The following PNPLA7 variants were observed in gnomAD, a reference collection of about 807,000 sequenced individuals.
The protein encoded by PNPLA7 is patatin like domain 7, lysophospholipase.
Under a neutral mutation model 161.7 loss-of-function variants are expected in PNPLA7, and 153 were observed. The ratio of observed to expected loss-of-function variants is 0.95; its 90% CI spans 0.83 to 1.08. The LOEUF (loss-of-function observed/expected upper bound fraction) is 1.08, where lower values mean the gene tolerates loss of function less well. Among genes scored for constraint, PNPLA7 ranks in the 50% least tolerant of loss-of-function variants. The pLI is 0.00. For missense variants in PNPLA7, 1,739 were observed against 1,856.6 expected (o/e 0.94, Z 1.16); for synonymous variants, 809 against 782.1 (o/e 1.03, Z -0.57).
chr9:137,460,870 GC>G, intron 33 of PNPLA7, 133 bp from the exon 34 acceptor site: 1 of 744,186 alleles, frequency 1.3e-6, no homozygotes, highest in South Asian at 1.7e-5. Context: ...CCTACACGCA[GC>G]CACCTGGTCC....
chr9:137,510,081 TCTAGCGGTGACG>T (rs1012998842), intron 12 of PNPLA7, among the ~76,000 whole-genome samples: 7 of 152,186 alleles, frequency 4.6e-5, no homozygotes, highest in African/African-American at 1.7e-4. Context: ...GGCTCCTTGG[TCTAGCGGTGACG>T]CCAGCGTCTG....
At position 137,546,935 on chromosome 9, in the gene PNPLA7, G is replaced by GAGGT. The variant is rs776940688; in HGVS notation, c.194-30_194-27dup. On this transcript the variant is annotated intron_variant, in intron 3 of 34. Transcript: ENST00000406427. Reference sequence around the variant, plus strand: ...CTGCAGGGGAGTAAAGGGATGGCCTGAGGTAGAGCCGTGGCACAGGCCTGG... The same window carrying GAGGT: ...CTGCAGGGGAGTAAAGGGATGGCCTGAGGTAGGTAGAGCCGTGGCACAGGCCTGG... 3 of 1,609,880 alleles carry GAGGT rather than the reference G, an allele frequency of 1.9e-6. No homozygotes were observed. In the African/African-American group the frequency reaches 4.0e-5, roughly 21 times the overall value.
Position 137,463,544 on chromosome 9 carries a change from C to T in PNPLA7, c.3227-13G>A, listed in dbSNP as rs1254639875. The T allele has an allele frequency of 1.9e-6, 3 of 1,556,800 alleles. No homozygotes were observed. Among genetic ancestry groups the T allele is most frequent in the Admixed American group, 1.9e-5 (1 of 52,988 alleles). Reference sequence around the variant, plus strand: ...CACCACAGGGAGCCTGGGGAGGGGGCCCGGAGCTGCTGGTTACCCGGAGGA... The same window carrying T: ...CACCACAGGGAGCCTGGGGAGGGGGTCCGGAGCTGCTGGTTACCCGGAGGA... On this transcript the variant is annotated splice_polypyrimidine_tract_variant and intron_variant, in intron 28 of 34. Coordinates refer to ENST00000406427, the MANE Select transcript of PNPLA7 (RefSeq NM_001098537.3).
In PNPLA7 at chr9:137,547,571, C is replaced by A; in HGVS notation, c.105+14G>T. ...CCATCCAGGTCTGGCTCCAGGGAAG[C>A]GTGAGGTGATTACCATGGTGGACGG... On this transcript the variant is annotated intron_variant, in intron 2 of 34. Coordinates refer to ENST00000406427, the MANE Select transcript of PNPLA7 (RefSeq NM_001098537.3). The surrounding 1 kb of genome is among the most constrained non-coding windows in gnomAD (Gnocchi z 4.6). 3 of 1,613,040 alleles carry A rather than the reference C, an allele frequency of 1.9e-6. No individual in the cohort carries two copies. Among genetic ancestry groups the A allele is most frequent in the Non-Finnish European group, 2.5e-6 (3 of 1,179,686 alleles).
In PNPLA7 at chr9:137,491,630, T is replaced by C. The variant is rs1021717355; in HGVS notation, c.2197+1383A>G. 3.0e-6 allele frequency: 3 copies of C among 985,304 alleles called. No individual in the cohort carries two copies. The African/African-American group carries it at 5.2e-5, about 17-fold the overall frequency. The allele number at this position is 985,304 out of a possible 1,614,324, so 61.0% of individuals were successfully genotyped here. A position where few individuals can be genotyped will look rare whatever the true frequency, so the allele number is the denominator to read the frequency against. ...CCCAGAACCGCAAAATGTGACCTTA[T>C]TTGGAAACGGTTTTGCAGAGGAACT... On this transcript the variant is annotated intron_variant, in intron 20 of 34. Coordinates refer to ENST00000406427, the MANE Select transcript of PNPLA7 (RefSeq NM_001098537.3).
intron 18 of PNPLA7, among the ~76,000 whole-genome samples, chr9:137,496,139 TTG>T (rs1236154055): frequency 8.3e-6 from 1 of 119,974 alleles, no homozygotes; most frequent in African/African-American, 3.2e-5. Flanking sequence ...TAGTTTTTTT[TTG>T]TTTTTTTTTT....
intron 3 of PNPLA7, 77 bp from the exon 4 acceptor site, chr9:137,546,986 T>A: frequency 2.9e-6 from 4 of 1,362,704 alleles, no homozygotes; most frequent in Non-Finnish European, 3.1e-6. Flanking sequence ...TGCAGCACAG[T>A]CAGTCATACT....
intron 19 of PNPLA7, among the ~76,000 whole-genome samples, chr9:137,494,085 C>A (rs1358355667): frequency 6.6e-6 from 1 of 152,130 alleles, no homozygotes; most frequent in African/African-American, 2.4e-5. Flanking sequence ...AAAGGCCCTG[C>A]AACATGCTGT....
At chr9:137,462,580 T>C in intron 30 of PNPLA7, 105 bp downstream of exon 30, 1 of 1,481,734 alleles carries the variant, frequency 6.7e-7, no homozygotes, top group South Asian at 1.3e-5. Context: ...CCAGACCTGC[T>C]GGCCTCAGAG....
Position 137,543,521 on chromosome 9 carries a change from C to T in PNPLA7, c.417G>A (p.Pro139=), listed in dbSNP as rs550788466. 7 of 1,613,736 alleles carry T rather than the reference C, an allele frequency of 4.3e-6. No homozygotes were observed. The African/African-American group carries it at 5.3e-5, about 12-fold the overall frequency. Residue 139 remains proline, a synonymous_variant, in exon 6 of 35, where the codon CCG becomes CCA. Coordinates refer to ENST00000406427, the MANE Select transcript of PNPLA7 (RefSeq NM_001098537.3). This position sits in a 1 kb window ranked among gnomAD's most constrained non-coding sequence, Gnocchi z 6.9. ...TGAGGTCGGCCTCCAGCAGGGAGGG[C>T]GGGGGCTCCTTGGGCTGCAGGGCCG... ...EYPALQPKEP[P]PSLLEADLTE... is the part of the protein sequence containing the mutation.
Position 137,500,661 on chromosome 9 carries a change from C to G in PNPLA7, c.1757+30G>C, listed in dbSNP as rs558859073. ...TCTCAGGGCAGGGGGGGCTGGGGCCCGCCCTGAGGTCCTGGCCCGTGGGAC... is the reference window on the plus strand; with the variant it reads ...TCTCAGGGCAGGGGGGGCTGGGGCCGGCCCTGAGGTCCTGGCCCGTGGGAC... On this transcript the variant is annotated intron_variant, in intron 16 of 34. Transcript: ENST00000406427. The surrounding 1 kb of genome is among the most constrained non-coding windows in gnomAD (Gnocchi z 5.5). 3 of 1,602,548 alleles carry G rather than the reference C, an allele frequency of 1.9e-6. No individual in the cohort carries two copies. The highest frequency in any genetic ancestry group is 2.6e-6 in the Non-Finnish European group (3 of 1,173,158).
chr9:137,514,816 G>A (rs1160555810), intron 12 of PNPLA7, among the ~76,000 whole-genome samples: 3 of 148,326 alleles, frequency 2.0e-5, no homozygotes, highest in South Asian at 2.2e-4. Flanking sequence ...CCCGGGCCCT[G>A]TGGCTGGGCT....
In PNPLA7 at chr9:137,505,640, C is replaced by T. The variant is rs1406382401; in HGVS notation, c.1447G>A (p.Asp483Asn). ...TCCAGCTTCATCAGGGTGAGCAGGT[C>T]CTTCTTGGCAGCTCTGAAGATGGCA... ...SDAIFRAAKK[D>N]LLTLMKLEDS... Residue 483 changes from aspartate (D) to asparagine (N), a missense_variant, in exon 14 of 35, where the codon GAC becomes AAC. This residue lies in a region of PNPLA7 where 481 missense variants were observed against 450.0 expected (regional missense o/e 1.07). Transcript: ENST00000406427. 1 of 1,614,086 alleles carries T rather than the reference C, an allele frequency of 6.2e-7. No individual in the cohort carries two copies. The highest frequency in any genetic ancestry group is 1.1e-5 in the South Asian group (1 of 91,080).
In PNPLA7 at chr9:137,500,767, C is replaced by T. The variant is rs145539193; in HGVS notation, c.1681G>A (p.Gly561Arg). ...EMVGQLAVLT[G>R]EPLIFTVKAN... ...TTGACGGTGAAGATGAGAGGCTCCC[C>T]GGTGAGCACGGCCAGCTGGCCCACC... The change falls in exon 16 of 35, where the codon GGG becomes AGG. Residue 561 changes from glycine (G) to arginine (R), a missense_variant. By Grantham distance (125) the Gly-to-Arg change is moderately radical. Transcript: ENST00000406427. The surrounding 1 kb of genome is among the most constrained non-coding windows in gnomAD (Gnocchi z 5.5). 5.5e-5 allele frequency: 88 copies of T among 1,612,202 alleles called. 2 individuals are homozygous for T. The African/African-American group carries it at 7.6e-4, about 14-fold the overall frequency.
At chr9:137,461,876 C>G in intron 32 of PNPLA7, 55 bp downstream of exon 32, 2 of 1,442,214 alleles carry the variant, frequency 1.4e-6, no homozygotes, top group South Asian at 1.3e-5. Flanking sequence ...GGGCGTGGCC[C>G]GAAGAACTGG....
chr9:137,488,801 C>G (rs994748788), intron 20 of PNPLA7, among the ~76,000 whole-genome samples: 1 of 149,826 alleles, frequency 6.7e-6, no homozygotes, highest in Non-Finnish European at 1.5e-5. Flanking sequence ...ACCAACTGTC[C>G]ACCGCCCACA....
rs528345964 is a variant in PNPLA7 at position 137,539,211 on chromosome 9, C to T, written c.747+1431G>A. Among the ~76,000 whole-genome samples the T allele has an allele frequency of 1.6e-4, 25 of 152,172 alleles. No homozygotes were observed. In the East Asian group the frequency reaches 4.1e-3, roughly 25 times the overall value. The stretch of plus-strand genomic sequence containing the variant: ...TACAAAAATTAGCTGGGCATGGTGG[C>T]GCATGCCTGTAATCCCAGCCACTCG... On this transcript the variant is annotated intron_variant, in intron 8 of 34. Coordinates refer to ENST00000406427, the MANE Select transcript of PNPLA7 (RefSeq NM_001098537.3).
At position 137,500,901 on chromosome 9, in the gene PNPLA7, C is replaced by G; in HGVS notation, c.1552-5G>C. 1 of 1,561,680 alleles carries G rather than the reference C, an allele frequency of 6.4e-7. No individual in the cohort carries two copies. The highest frequency in any genetic ancestry group is 8.6e-7 in the Non-Finnish European group (1 of 1,157,836). ...CACGAACAGGATGCTGGCGTCCTGA[C>G]ACACGAGAGGGCTCAGGAGGCGCCG... On this transcript the variant is annotated splice_region_variant and splice_polypyrimidine_tract_variant and intron_variant, in intron 15 of 34. Transcript: ENST00000406427. The surrounding 1 kb of genome is among the most constrained non-coding windows in gnomAD (Gnocchi z 5.5).
At chr9:137,546,196 T>C (rs1263893548) in intron 4 of PNPLA7, among the ~76,000 whole-genome samples, 1 of 151,984 alleles carries the variant, frequency 6.6e-6, no homozygotes, top group Non-Finnish European at 1.5e-5. Flanking sequence ...TTTCTCTCTC[T>C]CTCCTCTCTC....
Sources: allele counts gnomAD v4.1 joint callset (sites outside exome capture counted in the v4.1 genomes callset), GRCh38; gene constraint gnomAD v4.1.1; regional missense constraint gnomAD v4.1.1; non-coding constraint Gnocchi (gnomAD v3.1); transcripts MANE v1.5; gene names NCBI Gene and HGNC (gene_info 2026-07-23, HGNC 2026-07-21).